CCAR1: variants seen among roughly 807,000 people sequenced by gnomAD.
The protein encoded by CCAR1 is cell division cycle and apoptosis regulator protein 1.
CCAR1 carries 78 observed loss-of-function variants against 163.8 expected under a neutral mutation model. That is an observed-to-expected ratio of 0.48 (90% CI 0.40 to 0.57). CCAR1 has a LOEUF of 0.57. Among genes scored for constraint, CCAR1 ranks in the 20% least tolerant of loss-of-function variants. CCAR1 has a pLI of 0.00. For synonymous variants in CCAR1, 443 were observed against 460.7 expected (o/e 0.96, Z 0.49); for missense variants, 1,019 against 1,365.2 (o/e 0.75, Z 4.00).
At chr10:68,744,528 A>C (rs1564534575) in intron 6 of CCAR1, among the ~76,000 whole-genome samples, 1 of 152,220 alleles carries the variant, frequency 6.6e-6, no homozygotes, top group Non-Finnish European at 1.5e-5. Context: ...TGACATTCAA[A>C]ATAATAATTT....
Position 68,757,276 on chromosome 10 carries a change from C to T in CCAR1, c.1837-18C>T, listed in dbSNP as rs2056406780. Reference sequence around the variant, plus strand: ...AAGGTTTCATAATAGTAATTACATTCTTAACTTTGTATGTCAGGATGAAGA... The same window carrying T: ...AAGGTTTCATAATAGTAATTACATTTTTAACTTTGTATGTCAGGATGAAGA... On this transcript the variant is annotated intron_variant, in intron 14 of 24. Coordinates refer to ENST00000265872, the MANE Select transcript of CCAR1 (RefSeq NM_018237.4). 1 of 1,325,254 alleles carries T rather than the reference C, an allele frequency of 7.5e-7. No homozygotes were observed. Among genetic ancestry groups the T allele is most frequent in the African/African-American group, 1.5e-5 (1 of 68,468 alleles). 82.1% of individuals were successfully genotyped at this position (1,325,254 alleles called of 1,614,324 possible).
intron 15 of CCAR1, among the ~76,000 whole-genome samples, chr10:68,759,692 G>A (rs2056444400): frequency 6.6e-6 from 1 of 151,892 alleles, no homozygotes; most frequent in South Asian, 2.1e-4. Flanking sequence ...TGTGAGCCAT[G>A]AGCCATGGTT....
At chr10:68,730,415 GTAACCT>G (rs1808481362) in intron 2 of CCAR1, among the ~76,000 whole-genome samples, 1 of 151,518 alleles carries the variant, frequency 6.6e-6, no homozygotes, top group Non-Finnish European at 1.5e-5. Flanking sequence ...TCGGCTCACT[GTAACCT>G]CCACCTCTTG....
chr10:68,788,344 G>T lies in CCAR1; in HGVS notation c.3187+16G>T. On this transcript the variant is annotated intron_variant, in intron 23 of 24. Coordinates refer to ENST00000265872, the MANE Select transcript of CCAR1 (RefSeq NM_018237.4). ...GAAAAAACAGGTAAGGGTCAGCTTT[G>T]AATATGTTAATACTTTCAGCACCCT... 6.5e-7 allele frequency: 1 copy of T among 1,533,308 alleles called. No individual in the cohort carries two copies. Among genetic ancestry groups the T allele is most frequent in the Non-Finnish European group, 8.7e-7 (1 of 1,147,542 alleles). The allele number at this position is 1,533,308 out of a possible 1,614,324, so 95.0% of individuals were successfully genotyped here.
intron 10 of CCAR1, among the ~76,000 whole-genome samples, chr10:68,753,026 A>G (rs1282358810): frequency 1.3e-5 from 2 of 151,398 alleles, no homozygotes; most frequent in Non-Finnish European, 2.9e-5. Flanking sequence ...ATTACTCTGT[A>G]TTTATTTTTA....
intron 17 of CCAR1, among the ~76,000 whole-genome samples, chr10:68,768,988 T>G (rs1371290644): frequency 1.3e-5 from 2 of 152,126 alleles, no homozygotes; most frequent in African/African-American, 4.8e-5. Flanking sequence ...GTTTTAACCC[T>G]TTTTTTGAGA....
chr10:68,756,751 G>C lies in CCAR1; in HGVS notation c.1836+268G>C. The C allele has an allele frequency of 4.2e-6, 2 of 479,952 alleles. No homozygotes were observed. The highest frequency in any genetic ancestry group is 7.6e-6 in the Non-Finnish European group (2 of 261,648). The allele number at this position is 479,952 out of a possible 1,614,324, so 29.7% of individuals were successfully genotyped here. A position where few individuals can be genotyped will look rare whatever the true frequency, so the allele number is the denominator to read the frequency against. ...GAATTTTGTTTTTATCATAGGTCTA[G>C]TTGCTGGAATCTGGGACCAGTTGTT... On this transcript the variant is annotated intron_variant, in intron 14 of 24. Transcript: ENST00000265872. The surrounding 1 kb of genome is among the most constrained non-coding windows in gnomAD (Gnocchi z 5.1).
At position 68,788,414 on chromosome 10, in the gene CCAR1, A is replaced by G. The variant is rs2056819132; in HGVS notation, c.3187+86A>G. ...TATGTGTGTACATACATATATACGT[A>G]CCTGTGTACACATTTGCATATGCAT... On this transcript the variant is annotated intron_variant, in intron 23 of 24. Transcript: ENST00000265872. The G allele has an allele frequency of 8.2e-6, 7 of 849,574 alleles. No homozygotes were observed. In the South Asian group the frequency reaches 1.3e-4, roughly 16 times the overall value. The allele number at this position is 849,574 out of a possible 1,614,324, so 52.6% of individuals were successfully genotyped here.
intron 2 of CCAR1, among the ~76,000 whole-genome samples, chr10:68,735,452 C>T (rs1046915297): frequency 6.8e-6 from 1 of 147,402 alleles, no homozygotes; most frequent in African/African-American, 2.5e-5. Flanking sequence ...TGGCTCACTG[C>T]AGCCTGGAAT....
chr10:68,737,088 T>C (rs777893847), intron 3 of CCAR1, 40 bp downstream of exon 3: 2 of 1,473,720 alleles, frequency 1.4e-6, no homozygotes, highest in South Asian at 1.2e-5. Flanking sequence ...TGTAGAAAAC[T>C]TTATGAAATC....
At chr10:68,747,616 A>G (rs1375054157) in intron 8 of CCAR1, 50 bp downstream of exon 8, 2 of 1,504,766 alleles carry the variant, frequency 1.3e-6, no homozygotes, top group Admixed American at 1.9e-5. Context: ...AGTTGTTGAT[A>G]ATGTAACTAT....
chr10:68,774,987 A>C (rs1782323), intron 19 of CCAR1: 327,747 of 377,540 alleles, frequency 0.87, 142,613 homozygotes, highest in Admixed American at 0.9. Flanking sequence ...TTTACGGTAT[A>C]TTTTGTTTGC....
At chr10:68,769,235 A>G (rs2056571263) in intron 17 of CCAR1, among the ~76,000 whole-genome samples, 1 of 152,172 alleles carries the variant, frequency 6.6e-6, no homozygotes, top group Middle Eastern at 3.2e-3. Context: ...CAGCCTCCTG[A>G]AGTGCTGGGA....
intron 15 of CCAR1, among the ~76,000 whole-genome samples, chr10:68,758,058 A>T (rs2056418067): frequency 6.6e-6 from 1 of 152,016 alleles, no homozygotes; most frequent in Admixed American, 6.6e-5. Flanking sequence ...GGTTTTTAAA[A>T]TAGAATATTT....
intron 15 of CCAR1, among the ~76,000 whole-genome samples, chr10:68,760,100 A>G (rs915611833): frequency 2.6e-5 from 4 of 152,120 alleles, no homozygotes; most frequent in Non-Finnish European, 5.9e-5. Flanking sequence ...CAAAGGTGCT[A>G]GGATTACAGG....
Position 68,757,364 on chromosome 10 carries a change from C to CA in CCAR1, c.1910dup (p.Thr638AspfsTer6). On this transcript the variant is annotated frameshift_variant, in exon 15 of 25. Transcript: ENST00000265872. LOFTEE classifies it high-confidence loss of function. ...CCTACCCATTGGTCTAAACTTGATCCAAAGACAATGAAGGTAACTTTGATA... is the reference window on the plus strand; with the variant it reads ...CCTACCCATTGGTCTAAACTTGATCCAAAAGACAATGAAGGTAACTTTGATA... The CA allele has an allele frequency of 6.4e-7, 1 of 1,553,942 alleles. No homozygotes were observed. Among genetic ancestry groups the CA allele is most frequent in the Non-Finnish European group, 8.9e-7 (1 of 1,128,528 alleles).
At chr10:68,744,920 A>G (rs1479748462) in intron 6 of CCAR1, among the ~76,000 whole-genome samples, 2 of 151,874 alleles carry the variant, frequency 1.3e-5, no homozygotes, top group Non-Finnish European at 2.9e-5. Context: ...GTGAACTGCA[A>G]AGTTGAACAC....
At chr10:68,737,309 A>T (rs562323547) in intron 3 of CCAR1, among the ~76,000 whole-genome samples, 19 of 152,166 alleles carry the variant, frequency 1.2e-4, no homozygotes, top group Non-Finnish European at 1.8e-4. Context: ...ATTTGAGACC[A>T]GCCTGTGCAA....
At chr10:68,723,886 C>T (rs918692503) in intron 2 of CCAR1, among the ~76,000 whole-genome samples, 26 of 150,498 alleles carry the variant, frequency 1.7e-4, no homozygotes, top group African/African-American at 2.9e-4. Context: ...AGGCTGGGCG[C>T]GGTGGCTTGT....
Sources: allele counts gnomAD v4.1 joint callset (sites outside exome capture counted in the v4.1 genomes callset), GRCh38; gene constraint gnomAD v4.1.1; non-coding constraint Gnocchi (gnomAD v3.1); transcripts MANE v1.5; gene names NCBI Gene and HGNC (gene_info 2026-07-23, HGNC 2026-07-21).